The following NRG3 variants were observed in gnomAD, a reference collection of about 807,000 sequenced individuals.
The protein encoded by NRG3 is pro-neuregulin-3, membrane-bound isoform.
Under a neutral mutation model 66.9 loss-of-function variants are expected in NRG3, and 31 were observed. The ratio of observed to expected loss-of-function variants is 0.46; its 90% CI spans 0.35 to 0.63. The LOEUF is 0.63. Among genes scored for constraint, NRG3 ranks in the 20% least tolerant of loss-of-function variants. NRG3 has a pLI of 0.00. For synonymous variants in NRG3, 393 were observed against 359.4 expected (o/e 1.09, Z -1.06); for missense variants, 910 against 878.9 (o/e 1.04, Z -0.45).
intron 2 of NRG3, among the ~76,000 whole-genome samples, chr10:82,720,760 C>A (rs1257839401): frequency 6.8e-6 from 1 of 147,172 alleles, no homozygotes; most frequent in Admixed American, 6.7e-5. Flanking sequence ...TGATAGCACT[C>A]CCTGGTCAAT....
chr10:82,148,074 C>T (rs188855597), intron 1 of NRG3, among the ~76,000 whole-genome samples: 235 of 152,242 alleles, frequency 1.5e-3, no homozygotes, highest in African/African-American at 5.3e-3. Context: ...TATGGCTAAC[C>T]GTTCTAAGAC....
intron 2 of NRG3, among the ~76,000 whole-genome samples, chr10:82,595,784 A>C (rs79038503): frequency 1.7e-5 from 2 of 120,068 alleles, no homozygotes; most frequent in Admixed American, 1.6e-4. Context: ...ACTGTGTCTC[A>C]AAAAAAAAAA....
intron 2 of NRG3, among the ~76,000 whole-genome samples, chr10:82,543,143 C>T (rs564564212): frequency 6.6e-6 from 1 of 152,228 alleles, no homozygotes; most frequent in Admixed American, 6.5e-5. Flanking sequence ...CCACCCGACT[C>T]AGCCTCCCAA....
intron 1 of NRG3, among the ~76,000 whole-genome samples, chr10:82,260,171 G>T (rs1201773660): frequency 1.3e-5 from 2 of 152,090 alleles, no homozygotes; most frequent in Admixed American, 1.3e-4. Flanking sequence ...CAGGCTAAAG[G>T]GCTTAGTAAT....
intron 2 of NRG3, among the ~76,000 whole-genome samples, chr10:82,525,642 A>T (rs573506855): frequency 6.6e-6 from 1 of 152,052 alleles, no homozygotes; most frequent in African/African-American, 2.4e-5. Flanking sequence ...ACATCATGCA[A>T]TAATGATAAA....
chr10:82,319,473 C>T (rs879493643), intron 1 of NRG3, among the ~76,000 whole-genome samples: 6 of 152,224 alleles, frequency 3.9e-5, no homozygotes, highest in Non-Finnish European at 7.3e-5. Context: ...ATGGGGATTT[C>T]AAGCCCTCCT....
intron 2 of NRG3, among the ~76,000 whole-genome samples, chr10:82,557,419 G>T (rs2044722027): frequency 6.6e-6 from 1 of 151,702 alleles, no homozygotes; most frequent in African/African-American, 2.4e-5. Flanking sequence ...TATGCTTATT[G>T]GCTGCATGTA....
chr10:82,747,074 C>T (rs768929069), intron 3 of NRG3, among the ~76,000 whole-genome samples: 5 of 151,938 alleles, frequency 3.3e-5, no homozygotes, highest in Non-Finnish European at 4.4e-5. Flanking sequence ...TGTAGTGAGA[C>T]CTTTTCTCAA....
intron 1 of NRG3, 37 bp downstream of exon 1, chr10:81,876,200 T>C: frequency 6.5e-7 from 1 of 1,535,026 alleles, no homozygotes; most frequent in Non-Finnish European, 8.8e-7. Context: ...GATTTACTAC[T>C]GAGTTTCCCT....
intron 1 of NRG3, among the ~76,000 whole-genome samples, chr10:81,953,264 A>G (rs1244458424): frequency 6.6e-6 from 1 of 152,102 alleles, no homozygotes; most frequent in Admixed American, 6.5e-5. Flanking sequence ...TGAGAGCCCC[A>G]TCCTTTGCTT....
At chr10:82,745,898 G>T (rs1172991409) in intron 3 of NRG3, among the ~76,000 whole-genome samples, 5 of 151,920 alleles carry the variant, frequency 3.3e-5, no homozygotes, top group African/African-American at 7.3e-5. Flanking sequence ...TTATTTGTTT[G>T]TTTGGTTTTT....
intron 4 of NRG3, among the ~76,000 whole-genome samples, chr10:82,867,398 A>G (rs1840859786): frequency 6.8e-6 from 1 of 147,338 alleles, no homozygotes; most frequent in Non-Finnish European, 1.5e-5. Flanking sequence ...CTAGAGCTAA[A>G]TTACATGACT....
intron 2 of NRG3, among the ~76,000 whole-genome samples, chr10:82,409,299 C>T (rs1022703712): frequency 3.9e-5 from 6 of 152,048 alleles, no homozygotes; most frequent in African/African-American, 1.4e-4. Flanking sequence ...TTAATAGTGG[C>T]ATATAAGCAT....
intron 4 of NRG3, among the ~76,000 whole-genome samples, chr10:82,916,034 A>C (rs1412501977): frequency 6.6e-6 from 1 of 152,178 alleles, no homozygotes; most frequent in Non-Finnish European, 1.5e-5. Flanking sequence ...AAGGCAAAAA[A>C]ATCCAAAAAA....
At chr10:82,336,746 C>T (rs940806573) in intron 1 of NRG3, among the ~76,000 whole-genome samples, 26 of 151,980 alleles carry the variant, frequency 1.7e-4, no homozygotes, top group Admixed American at 1.4e-3. Context: ...TAAAGACAAC[C>T]GTTATCTTTC....
chr10:82,848,285 G>A (rs1564563189), intron 3 of NRG3, among the ~76,000 whole-genome samples: 1 of 152,168 alleles, frequency 6.6e-6, no homozygotes, highest in Non-Finnish European at 1.5e-5. Flanking sequence ...TCCAACTCTT[G>A]CATCAAGGTA....
chr10:82,585,572 A>G (rs1476630028), intron 2 of NRG3, among the ~76,000 whole-genome samples: 1 of 152,118 alleles, frequency 6.6e-6, no homozygotes, highest in Non-Finnish European at 1.5e-5. Flanking sequence ...CCTCCTCCTC[A>G]TGTGGGCCTG....
chr10:82,899,675 A>G (rs1486028153), intron 4 of NRG3, among the ~76,000 whole-genome samples: 4 of 152,184 alleles, frequency 2.6e-5, no homozygotes, highest in Non-Finnish European at 5.9e-5. Flanking sequence ...TATTCTCAAA[A>G]CTAGCCTCAG....
chr10:82,466,581 G>A (rs1023357958), intron 2 of NRG3, among the ~76,000 whole-genome samples: 1 of 152,176 alleles, frequency 6.6e-6, no homozygotes, highest in Non-Finnish European at 1.5e-5. Context: ...GCTGGAAGAA[G>A]ACTGGTAAAT....
Sources: gnomAD v4.1 joint callset for allele counts (sites outside exome capture counted in the v4.1 genomes callset) on GRCh38, gnomAD v4.1.1 for gene constraint, MANE v1.5 for transcripts, NCBI Gene and HGNC (gene_info 2026-07-23, HGNC 2026-07-21) for gene names.